DIS3L2: variants seen among roughly 807,000 people sequenced by gnomAD.
The protein encoded by DIS3L2 is DIS3 like 3'-5' exoribonuclease 2.
Under a neutral mutation model 97.5 loss-of-function variants are expected in DIS3L2, and 34 were observed. The ratio of observed to expected loss-of-function variants is 0.35; its 90% CI spans 0.27 to 0.46. DIS3L2 has a LOEUF of 0.46. Ranked by LOEUF, DIS3L2 falls within the 20% of genes least tolerant of loss-of-function variation. DIS3L2 has a pLI of 1.00. For synonymous variants in DIS3L2, 435 were observed against 445.2 expected (o/e 0.98, Z 0.29); for missense variants, 1,038 against 1,146.0 (o/e 0.91, Z 1.36).
intron 10 of DIS3L2, among the ~76,000 whole-genome samples, chr2:232,228,133 A>G (rs1008379191): frequency 2.6e-5 from 4 of 151,998 alleles, no homozygotes; most frequent in Admixed American, 1.3e-4. Context: ...GGCCCGGCTA[A>G]TTTTGTGTTT....
At chr2:232,144,917 TGTGCATCTTATCG>T (rs1690176392) in intron 8 of DIS3L2, among the ~76,000 whole-genome samples, 1 of 152,226 alleles carries the variant, frequency 6.6e-6, no homozygotes, top group South Asian at 2.1e-4. Context: ...ACAGAGGTGA[TGTGCATCTTATCG>T]GGGGCACATA....
chr2:232,229,235 G>A (rs542494649), intron 10 of DIS3L2, among the ~76,000 whole-genome samples: 5 of 152,256 alleles, frequency 3.3e-5, no homozygotes, highest in African/African-American at 1.2e-4. Context: ...AGAAGGAAGA[G>A]TATAATGAAA....
At chr2:232,104,374 G>A (rs553391132) in intron 6 of DIS3L2, among the ~76,000 whole-genome samples, 108 of 152,194 alleles carry the variant, frequency 7.1e-4, no homozygotes, top group Non-Finnish European at 1.2e-3. Flanking sequence ...CCCTGCCCTG[G>A]AGTCTCTATA....
intron 9 of DIS3L2, among the ~76,000 whole-genome samples, chr2:232,191,569 G>A (rs1691619225): frequency 6.6e-6 from 1 of 152,214 alleles, no homozygotes; most frequent in Non-Finnish European, 1.5e-5. Context: ...GTATGGATTT[G>A]TAACTTTGAG....
At chr2:232,323,384 T>C (rs755789459) in intron 14 of DIS3L2, among the ~76,000 whole-genome samples, 12 of 152,220 alleles carry the variant, frequency 7.9e-5, no homozygotes, top group Non-Finnish European at 1.8e-4. Context: ...TTACGGCCAC[T>C]GGGGCTCCCT....
At chr2:232,074,164 A>G (rs1696116092) in intron 5 of DIS3L2, among the ~76,000 whole-genome samples, 1 of 152,190 alleles carries the variant, frequency 6.6e-6, no homozygotes, top group Non-Finnish European at 1.5e-5. Context: ...AGTGCCTCCC[A>G]ATTTTATTCA....
intron 8 of DIS3L2, among the ~76,000 whole-genome samples, chr2:232,154,578 G>C (rs71421614): frequency 0.49 from 12,480 of 25,564 alleles, 3,537 homozygotes; most frequent in East Asian, 0.66. Context: ...CTCCAGCTGC[G>C]TGCTGGGAGA....
chr2:232,306,293 C>T (rs1694983857), intron 14 of DIS3L2, among the ~76,000 whole-genome samples: 1 of 152,200 alleles, frequency 6.6e-6, no homozygotes, highest in African/African-American at 2.4e-5. Flanking sequence ...TCCCAGGATC[C>T]TGGCTTTATG....
At chr2:232,300,580 T>G (rs1196243938) in intron 14 of DIS3L2, among the ~76,000 whole-genome samples, 3 of 152,128 alleles carry the variant, frequency 2.0e-5, no homozygotes, top group African/African-American at 4.8e-5. Context: ...GAGATTTAAA[T>G]TGGTGCCCTT....
rs991231740 is a variant in DIS3L2, at chr2:231,976,841, C to T, written c.-94+15076C>T. On this transcript the variant is annotated intron_variant, in intron 1 of 20. Transcript: ENST00000325385. ...GGAGTACAGTGGCGCGATCTTGGCT[C>T]ACTGCAGGCTCCGCCTCCCGGGTTG... Among the ~76,000 whole-genome samples the T allele has an allele frequency of 2.0e-5, 3 of 147,142 alleles. No individual in the cohort carries two copies. In the Admixed American group the frequency reaches 2.1e-4, roughly 10 times the overall value.
chr2:232,308,582 C>T (rs1261457381), intron 14 of DIS3L2, among the ~76,000 whole-genome samples: 2 of 152,192 alleles, frequency 1.3e-5, no homozygotes, highest in Non-Finnish European at 2.9e-5. Flanking sequence ...TGATTTCCTT[C>T]GGCTGAAGTG....
At chr2:232,139,219 G>A (rs552048680) in intron 8 of DIS3L2, among the ~76,000 whole-genome samples, 1 of 152,148 alleles carries the variant, frequency 6.6e-6, no homozygotes, top group South Asian at 2.1e-4. Context: ...AGGCAACAAA[G>A]GAACCACAGC....
chr2:232,120,326 G>T (rs1448277658), intron 6 of DIS3L2, among the ~76,000 whole-genome samples: 1 of 152,166 alleles, frequency 6.6e-6, no homozygotes, highest in Non-Finnish European at 1.5e-5. Context: ...ATGAGATTTA[G>T]GTTCGAATCC....
At chr2:232,291,742 GTC>G (rs1694605180) in intron 13 of DIS3L2, among the ~76,000 whole-genome samples, 1 of 152,242 alleles carries the variant, frequency 6.6e-6, no homozygotes, top group African/African-American at 2.4e-5. Context: ...TCATGGAGTA[GTC>G]TGCAGAGAAA....
chr2:232,314,105 A>C (rs1043993238), intron 14 of DIS3L2, among the ~76,000 whole-genome samples: 4 of 152,204 alleles, frequency 2.6e-5, no homozygotes, highest in Admixed American at 2.6e-4. Flanking sequence ...ATTGCCATGG[A>C]AAGGAGCCCT....
chr2:232,329,788 CTCCCATCCCACCCACCCTCT>C lies in DIS3L2; in HGVS notation c.1740-24_1740-5del. On this transcript the variant is annotated splice_polypyrimidine_tract_variant and splice_region_variant and intron_variant, in intron 14 of 20. Coordinates refer to ENST00000325385, the MANE Select transcript of DIS3L2 (RefSeq NM_152383.5). ...ACCTGTCCCCAAACCCCAGCGGTCC[CTCCCATCCCACCCACCCTCT>C]GCAGGCTCGTGGAGGAGTTCATGCT... 1.5e-5 allele frequency: 16 copies of C among 1,080,450 alleles called. No homozygotes were observed. The highest frequency in any genetic ancestry group is 3.0e-5 in the East Asian group (1 of 33,104). 66.9% of individuals were successfully genotyped at this position (1,080,450 alleles called of 1,614,324 possible).
chr2:232,239,126 G>A lies in DIS3L2; in HGVS notation c.1317+481G>A, dbSNP rs535165105. Among the ~76,000 whole-genome samples, 99 of 152,290 alleles carry A rather than the reference G, an allele frequency of 6.5e-4. 2 individuals are homozygous for A. Among genetic ancestry groups the A allele is most frequent in the African/African-American group, 2.1e-3 (86 of 41,556 alleles). On this transcript the variant is annotated intron_variant, in intron 11 of 20. Transcript: ENST00000325385. ...ATGGGAGTCTCCGAGATGGAAAAGC[G>A]AAGGGAGATAAGGAGGAGCCTGAGC...
intron 12 of DIS3L2, among the ~76,000 whole-genome samples, chr2:232,259,386 G>A (rs1693658068): frequency 6.6e-6 from 1 of 152,114 alleles, no homozygotes; most frequent in Non-Finnish European, 1.5e-5. Context: ...ACAAGCTGCT[G>A]CTTTGGGCAA....
At chr2:232,010,898 CA>C (rs983905517) in intron 1 of DIS3L2, among the ~76,000 whole-genome samples, 67 of 152,310 alleles carry the variant, frequency 4.4e-4, no homozygotes, top group African/African-American at 1.4e-3. Flanking sequence ...ACTTCTGTCC[CA>C]AATAGGCTTC....
Sources: allele counts gnomAD v4.1 joint callset (sites outside exome capture counted in the v4.1 genomes callset), GRCh38; gene constraint gnomAD v4.1.1; transcripts MANE v1.5; gene names NCBI Gene and HGNC (gene_info 2026-07-23, HGNC 2026-07-21).